NEMF: variants seen among roughly 807,000 people sequenced by gnomAD.
The protein encoded by NEMF is nuclear export mediator factor.
Under a neutral mutation model 162.2 loss-of-function variants are expected in NEMF, and 89 were observed. The observed-to-expected ratio is 0.55, with a 90% confidence interval of 0.46 to 0.65. The LOEUF (loss-of-function observed/expected upper bound fraction) is 0.65, where lower values mean the gene tolerates loss of function less well. Ranked by LOEUF, NEMF falls within the 30% of genes least tolerant of loss-of-function variation. The probability of loss-of-function intolerance (pLI) is 0.00; values close to 1 mark genes in which losing one functional copy is unlikely to be tolerated. For missense variants in NEMF, 1,133 were observed against 1,261.9 expected (o/e 0.90, Z 1.55); for synonymous variants, 421 against 404.5 (o/e 1.04, Z -0.49).
intron 16 of NEMF, chr14:49,820,382 C>T: frequency 2.2e-6 from 1 of 455,690 alleles, no homozygotes; most frequent in Admixed American, 2.4e-5. Flanking sequence ...TTCCTCAAAC[C>T]TGTCAGCACT....
chr14:49,826,480 C>G (rs976209634), intron 15 of NEMF, among the ~76,000 whole-genome samples: 1 of 147,232 alleles, frequency 6.8e-6, no homozygotes, highest in African/African-American at 2.5e-5. Flanking sequence ...GACATTTAAG[C>G]TGAATCCTCA....
chr14:49,849,478 C>T (rs1893668906), intron 3 of NEMF, among the ~76,000 whole-genome samples: 1 of 152,196 alleles, frequency 6.6e-6, no homozygotes, highest in Non-Finnish European at 1.5e-5. Flanking sequence ...ACATAATAGA[C>T]ATAACTCTGC....
chr14:49,831,025 T>C (rs1411964378), intron 11 of NEMF, among the ~76,000 whole-genome samples: 1 of 152,240 alleles, frequency 6.6e-6, no homozygotes, highest in Non-Finnish European at 1.5e-5. Flanking sequence ...GCAAACCACA[T>C]TAAGGTGTAA....
intron 28 of NEMF, among the ~76,000 whole-genome samples, 176 bp downstream of exon 28, chr14:49,788,970 A>G (rs1253720033): frequency 2.0e-5 from 3 of 152,138 alleles, no homozygotes; most frequent in African/African-American, 7.2e-5. Flanking sequence ...TACCATTATC[A>G]TGCTTAGATA....
Position 49,827,959 on chromosome 14 carries a change from G to T in NEMF, c.1488+332C>A, listed in dbSNP as rs1282699526. ...TAGGGGACTGATCAGTGGAAATAAT[G>T]AGTAGTAGCCAGATTCTGGCTGTAC... is the stretch of plus-strand genomic sequence containing the variant. On this transcript the variant is annotated intron_variant, in intron 15 of 32. Transcript: ENST00000298310. 2.6e-5 allele frequency among the ~76,000 whole-genome samples: 4 copies of T among 152,178 alleles called. 1 individual carries two copies. Among genetic ancestry groups the T allele is most frequent in the Admixed American group, 2.6e-4 (4 of 15,272 alleles).
intron 16 of NEMF, 45 bp downstream of exon 16, chr14:49,825,822 T>G (rs1465391642): frequency 2.3e-6 from 3 of 1,322,364 alleles, no homozygotes; most frequent in Non-Finnish European, 3.2e-6. Context: ...CATGGATAAT[T>G]TTAATAAAAA....
At chr14:49,822,673 A>T (rs1237167573) in intron 16 of NEMF, among the ~76,000 whole-genome samples, 2 of 140,968 alleles carry the variant, frequency 1.4e-5, no homozygotes, top group Non-Finnish European at 3.1e-5. Context: ...CTACTTAAAA[A>T]AAAAAAAAAA....
In NEMF at chr14:49,784,523, A is replaced by ATGTT; in HGVS notation, c.*109_*112dup. 1.4e-6 allele frequency: 1 copy of ATGTT among 712,676 alleles called. No individual in the cohort carries two copies. Among genetic ancestry groups the ATGTT allele is most frequent in the East Asian group, 2.7e-5 (1 of 37,704 alleles). The allele number at this position is 712,676 out of a possible 1,614,324, so 44.1% of individuals were successfully genotyped here. On this transcript the variant is annotated 3_prime_UTR_variant, in exon 33 of 33. Transcript: ENST00000298310. ...TCCTTTTGGTGAATATAGCAAGGCA[A>ATGTT]TGTTTAGTTCATTTTTATAATGCGG...
In NEMF at chr14:49,828,419, C is replaced by T. The variant is rs1348286905; in HGVS notation, c.1425-65G>A. ...TTATTCTTCAGTTTTCTACTTAGTT[C>T]TAACTTGACAAATTCTCAAATTATA... On this transcript the variant is annotated intron_variant, in intron 14 of 32. Transcript: ENST00000298310. The T allele has an allele frequency of 2.7e-6, 3 of 1,112,006 alleles. No individual in the cohort carries two copies. The East Asian group carries it at 7.8e-5, about 29-fold the overall frequency. 68.9% of individuals were successfully genotyped at this position (1,112,006 alleles called of 1,614,324 possible).
intron 28 of NEMF, among the ~76,000 whole-genome samples, chr14:49,787,570 C>T (rs1458295381): frequency 1.3e-5 from 2 of 152,164 alleles, no homozygotes; most frequent in African/African-American, 4.8e-5. Flanking sequence ...AAAGGGCACT[C>T]ATCTCATTCA....
intron 18 of NEMF, among the ~76,000 whole-genome samples, chr14:49,808,297 C>G (rs1439327156): frequency 6.6e-6 from 1 of 152,110 alleles, no homozygotes; most frequent in Non-Finnish European, 1.5e-5. Context: ...CTCAGCCTCC[C>G]AAGTAGCTTG....
At chr14:49,815,142 A>G (rs903837002) in intron 16 of NEMF, among the ~76,000 whole-genome samples, 1 of 152,218 alleles carries the variant, frequency 6.6e-6, no homozygotes, top group African/African-American at 2.4e-5. Flanking sequence ...TCATAAAGCA[A>G]AAGTATAAAA....
At chr14:49,801,017 G>A in intron 22 of NEMF, 1 of 269,916 alleles carries the variant, frequency 3.7e-6, no homozygotes, top group Non-Finnish European at 7.0e-6. Context: ...CATAACTTTT[G>A]CTGCTTTTAT....
intron 16 of NEMF, among the ~76,000 whole-genome samples, chr14:49,819,771 C>T (rs1413977014): frequency 3.3e-5 from 5 of 151,932 alleles, no homozygotes; most frequent in African/African-American, 1.2e-4. Flanking sequence ...TGTTGATGTC[C>T]CTGAGGTAGA....
At chr14:49,812,260 T>C (rs961800120) in intron 18 of NEMF, among the ~76,000 whole-genome samples, 2 of 152,176 alleles carry the variant, frequency 1.3e-5, no homozygotes, top group African/African-American at 4.8e-5. Flanking sequence ...TCGGAAGTAA[T>C]GTTCCCTATT....
At chr14:49,848,833 CA>C (rs36090515) in intron 3 of NEMF, among the ~76,000 whole-genome samples, 405 of 40,778 alleles carry the variant, frequency 9.9e-3, no homozygotes, top group African/African-American at 0.03. Flanking sequence ...GACTCCGTCT[CA>C]AAAAAAAAAA....
At chr14:49,844,546 T>C (rs1893374716) in intron 4 of NEMF, among the ~76,000 whole-genome samples, 1 of 152,024 alleles carries the variant, frequency 6.6e-6, no homozygotes, top group African/African-American at 2.4e-5. Context: ...TCTGGGTGAG[T>C]GACAGTGAGT....
intron 5 of NEMF, among the ~76,000 whole-genome samples, chr14:49,838,818 T>C (rs542885331): frequency 1.3e-5 from 2 of 152,228 alleles, no homozygotes; most frequent in East Asian, 3.9e-4. Context: ...TCTCCTGACC[T>C]TGTGATCCGC....
chr14:49,851,817 G>C lies in NEMF; in HGVS notation c.118C>G (p.Arg40Gly). 6.4e-7 allele frequency: 1 copy of C among 1,561,330 alleles called. No homozygotes were observed. Among genetic ancestry groups the C allele is most frequent in the Non-Finnish European group, 8.8e-7 (1 of 1,140,848 alleles). The change falls in exon 2 of 33, where the codon CGT becomes GGT. Residue 40 changes from arginine (R) to glycine (G), a missense_variant. Physicochemically the swap from Arg to Gly is moderately radical, Grantham distance 125. Coordinates refer to ENST00000298310, the MANE Select transcript of NEMF (RefSeq NM_004713.6). ...YDVDNKTYLI[R>G]LQKPDFKATL... is the part of the protein sequence containing the mutation. ...ATAAAATGTTCTTACTTTTGAAGAC[G>C]AATAAGGTATGTCTTATTATCCACA... is the stretch of plus-strand genomic sequence containing the variant.
Sources: gnomAD v4.1 joint callset for allele counts (sites outside exome capture counted in the v4.1 genomes callset) on GRCh38, gnomAD v4.1.1 for gene constraint, MANE v1.5 for transcripts, NCBI Gene and HGNC (gene_info 2026-07-23, HGNC 2026-07-21) for gene names.